Variants in DENND3 observed in about 807,000 individuals in gnomAD.
The protein encoded by DENND3 is DENN domain containing 3.
In DENND3, 88 loss-of-function variants were observed where a neutral mutation model predicts 135.1. The ratio of observed to expected loss-of-function variants is 0.65; its 90% CI spans 0.55 to 0.78. The LOEUF (loss-of-function observed/expected upper bound fraction) is 0.78, where lower values mean the gene tolerates loss of function less well. Among genes scored for constraint, DENND3 ranks in the 30% least tolerant of loss-of-function variants. The pLI is 0.00. For missense variants in DENND3, 1,392 were observed against 1,688.4 expected, an observed-to-expected ratio of 0.82 and a Z score of 3.08; for synonymous variants, 693 against 712.3, an observed-to-expected ratio of 0.97 and a Z score of 0.43.
intron 13 of DENND3, among the ~76,000 whole-genome samples, chr8:141,173,004 C>G (rs115033257): frequency 0.011 from 1,621 of 149,456 alleles, 26 homozygotes; most frequent in African/African-American, 0.038. Context: ...GGCTGAGGCA[C>G]CCCAGTCAGA....
At chr8:141,172,660 C>A (rs148962654) in intron 13 of DENND3, among the ~76,000 whole-genome samples, 1 of 152,228 alleles carries the variant, frequency 6.6e-6, no homozygotes. Context: ...CTCTCACTTG[C>A]TCTCCTTTTC....
chr8:141,153,725 C>T (rs977479978), intron 7 of DENND3, among the ~76,000 whole-genome samples: 3 of 152,246 alleles, frequency 2.0e-5, no homozygotes, highest in South Asian at 2.1e-4. Context: ...CATCCCGCCT[C>T]GCAGACGAGG....
chr8:141,131,260 A>C (rs1173161077), intron 1 of DENND3, among the ~76,000 whole-genome samples: 1 of 152,186 alleles, frequency 6.6e-6, no homozygotes, highest in Non-Finnish European at 1.5e-5. Context: ...AGCCCTCCCC[A>C]ACCCCATTAT....
At chr8:141,179,500 C>T (rs1822819253) in intron 16 of DENND3, among the ~76,000 whole-genome samples, 1 of 152,214 alleles carries the variant, frequency 6.6e-6, no homozygotes, top group Admixed American at 6.5e-5. Flanking sequence ...CGTTACAAAT[C>T]CGGAAACATT....
chr8:141,147,721 C>T (rs908049280), intron 5 of DENND3, among the ~76,000 whole-genome samples: 42 of 152,202 alleles, frequency 2.8e-4, no homozygotes, highest in African/African-American at 1.0e-3. Context: ...TGTTCGTCTC[C>T]CCCATCAGAC....
rs114813814 is a variant in DENND3, at chr8:141,136,459, C to T, written c.103-50C>T. On this transcript the variant is annotated intron_variant, in intron 1 of 22. Transcript: ENST00000519811. Reference sequence around the variant, plus strand: ...GAAGCTCAGACAGAAAGGATACCCTCGAACAAGAGCTGAGGCTGTGGCAGT... The same window carrying T: ...GAAGCTCAGACAGAAAGGATACCCTTGAACAAGAGCTGAGGCTGTGGCAGT... The T allele has an allele frequency of 1.2e-3, 1,803 of 1,483,464 alleles. 14 individuals are homozygous for T. The African/African-American group carries it at 0.021, about 17-fold the overall frequency. 91.9% of individuals were successfully genotyped at this position (1,483,464 alleles called of 1,614,324 possible).
intron 13 of DENND3, among the ~76,000 whole-genome samples, chr8:141,170,479 G>C (rs541118197): frequency 8.5e-5 from 13 of 152,322 alleles, no homozygotes; most frequent in African/African-American, 3.1e-4. Flanking sequence ...GAAGCCATCA[G>C]ATTGTGCGCT....
chr8:141,185,278 G>A lies in DENND3; in HGVS notation c.3084G>A (p.Val1028=), dbSNP rs763829954. ...QHSFKVGTAK[V]NCMVMADQNQ... is the part of the protein sequence containing the mutation. ...CCTTTAAAGTGGGCACTGCAAAAGT[G>A]GTGAGTACACGAAGCGTCAGGAAAG... The change falls in exon 18 of 23, where the codon GTG becomes GTA. Residue 1028 remains valine (V), a splice_region_variant and synonymous_variant. Coordinates refer to ENST00000519811, the MANE Select transcript of DENND3 (RefSeq NM_001352890.3). 6.2e-7 allele frequency: 1 copy of A among 1,614,116 alleles called. No individual in the cohort carries two copies. Among genetic ancestry groups the A allele is most frequent in the Non-Finnish European group, 8.5e-7 (1 of 1,179,986 alleles).
intron 5 of DENND3, among the ~76,000 whole-genome samples, chr8:141,149,051 C>G (rs923673907): frequency 6.6e-6 from 1 of 151,928 alleles, no homozygotes; most frequent in African/African-American, 2.4e-5. Context: ...GCTGGGATTA[C>G]AGGCATGTAC....
intron 1 of DENND3, among the ~76,000 whole-genome samples, chr8:141,133,466 G>T (rs931747468): frequency 2.6e-5 from 4 of 152,218 alleles, no homozygotes; most frequent in African/African-American, 9.6e-5. Context: ...GTCAGACAGG[G>T]ACGTCCCTCG....
chr8:141,167,894 T>C lies in DENND3; in HGVS notation c.1754-110T>C. 6.9e-7 allele frequency: 1 copy of C among 1,458,734 alleles called. No homozygotes were observed. Among genetic ancestry groups the C allele is most frequent in the Non-Finnish European group, 9.2e-7 (1 of 1,081,366 alleles). 90.4% of individuals were successfully genotyped at this position (1,458,734 alleles called of 1,614,324 possible). A position where few individuals can be genotyped will look rare whatever the true frequency, so the allele number is the denominator to read the frequency against. On this transcript the variant is annotated intron_variant, in intron 12 of 22. Coordinates refer to ENST00000519811, the MANE Select transcript of DENND3 (RefSeq NM_001352890.3). This position sits in a 1 kb window ranked among gnomAD's most constrained non-coding sequence, Gnocchi z 4.1. Reference sequence around the variant, plus strand: ...CTGGAGGGAGCACACCCATTCTCATTTTATTTTGCATCCAGAGAAACATTG... The same window carrying C: ...CTGGAGGGAGCACACCCATTCTCATCTTATTTTGCATCCAGAGAAACATTG...
chr8:141,153,253 C>G (rs1819033587), intron 7 of DENND3, among the ~76,000 whole-genome samples: 1 of 152,056 alleles, frequency 6.6e-6, no homozygotes. Context: ...GCCACCACAC[C>G]TGGCTAATTT....
chr8:141,186,602 C>T (rs1027829513), intron 18 of DENND3, among the ~76,000 whole-genome samples: 2 of 152,204 alleles, frequency 1.3e-5, no homozygotes, highest in Non-Finnish European at 2.9e-5. Context: ...ATTCTTCTTC[C>T]ACTGTGGCTC....
In DENND3 at chr8:141,146,496, C is replaced by T. The variant is rs1056183793; in HGVS notation, c.735+2237C>T. ...TTTATTTTTTCCTTTAATAGACACC[C>T]GTCAAACGTCTCAAAATGTTTAGTA... is the stretch of plus-strand genomic sequence containing the variant. On this transcript the variant is annotated intron_variant, in intron 5 of 22. Coordinates refer to ENST00000519811, the MANE Select transcript of DENND3 (RefSeq NM_001352890.3). This position sits in a 1 kb window ranked among gnomAD's most constrained non-coding sequence, Gnocchi z 4.3. 2.0e-5 allele frequency among the ~76,000 whole-genome samples: 3 copies of T among 152,182 alleles called. No homozygotes were observed. Among genetic ancestry groups the T allele is most frequent in the Non-Finnish European group, 2.9e-5 (2 of 68,034 alleles).
At chr8:141,183,219 G>A (rs1823403548) in intron 17 of DENND3, among the ~76,000 whole-genome samples, 1 of 152,164 alleles carries the variant, frequency 6.6e-6, no homozygotes. Context: ...GGAAAAGAAT[G>A]TTGAATTTGA....
At chr8:141,147,482 T>C (rs1360004709) in intron 5 of DENND3, among the ~76,000 whole-genome samples, 1 of 152,210 alleles carries the variant, frequency 6.6e-6, no homozygotes, top group African/African-American at 2.4e-5. Context: ...GTCCATTCCC[T>C]GAAGGTGCCG....
intron 13 of DENND3, among the ~76,000 whole-genome samples, chr8:141,169,339 A>G (rs1452983736): frequency 6.6e-6 from 1 of 152,192 alleles, no homozygotes; most frequent in African/African-American, 2.4e-5. Flanking sequence ...GAGATCTTAC[A>G]CAGCCTGTCT....
In DENND3 at chr8:141,146,313, C is replaced by G. The variant is rs1818131796; in HGVS notation, c.735+2054C>G. Among the ~76,000 whole-genome samples, 1 of 152,146 alleles carries G rather than the reference C, an allele frequency of 6.6e-6. No individual in the cohort carries two copies. Among genetic ancestry groups the G allele is most frequent in the East Asian group, 1.9e-4 (1 of 5,196 alleles). Reference sequence around the variant, plus strand: ...TTCTGAGAGATGTTATTGGCGATTTCAAGACACAGGGTTTGGGGTTAAGTG... The same window carrying G: ...TTCTGAGAGATGTTATTGGCGATTTGAAGACACAGGGTTTGGGGTTAAGTG... On this transcript the variant is annotated intron_variant, in intron 5 of 22. Coordinates refer to ENST00000519811, the MANE Select transcript of DENND3 (RefSeq NM_001352890.3). The surrounding 1 kb of genome is among the most constrained non-coding windows in gnomAD (Gnocchi z 4.3).
intron 7 of DENND3, among the ~76,000 whole-genome samples, chr8:141,152,742 C>T (rs991476861): frequency 5.3e-5 from 8 of 152,154 alleles, no homozygotes; most frequent in Admixed American, 1.3e-4. Context: ...TATGTGCTTT[C>T]GTTTCTCTCG....
Sources: allele counts gnomAD v4.1 joint callset (sites outside exome capture counted in the v4.1 genomes callset), GRCh38; gene constraint gnomAD v4.1.1; non-coding constraint Gnocchi (gnomAD v3.1); transcripts MANE v1.5; gene names NCBI Gene and HGNC (gene_info 2026-07-23, HGNC 2026-07-21).